Variants in CLDN16 observed in about 807,000 individuals in gnomAD.
CLDN16 encodes the protein claudin-16.
In CLDN16, 13 loss-of-function variants were observed where a neutral mutation model predicts 24.6. The observed-to-expected ratio is 0.53, with a 90% CI of 0.34 to 0.84. The LOEUF (loss-of-function observed/expected upper bound fraction) is 0.84. CLDN16 is among the 40% of genes least tolerant of loss of function. The pLI is 0.01. For synonymous variants in CLDN16, 116 were observed against 106.7 expected (o/e 1.09, Z -0.54); for missense variants, 298 against 292.7 (o/e 1.02, Z -0.13).
At chr3:190,300,618 G>A in the CLDN16 span, among the ~76,000 whole-genome samples, 1 of 152,182 alleles carries the variant, frequency 6.6e-6, no homozygotes. Flanking sequence ...TGAAATATTT[G>A]CTCTCTGGTC....
chr3:190,384,719 G>A (rs1718455584), upstream of CLDN16, among the ~76,000 whole-genome samples: 1 of 152,178 alleles, frequency 6.6e-6, no homozygotes, highest in South Asian at 2.1e-4. Context: ...TCCCTCTTCT[G>A]TAAAATGTGG....
the CLDN16 span, among the ~76,000 whole-genome samples, chr3:190,314,399 A>G: frequency 6.6e-6 from 1 of 151,738 alleles, no homozygotes; most frequent in African/African-American, 2.4e-5. Context: ...TAATCTCTTT[A>G]TTTTTCTTTT....
At chr3:190,312,269 T>C in the CLDN16 span, among the ~76,000 whole-genome samples, 21,829 of 150,946 alleles carry the variant, frequency 0.14, 1,613 homozygotes, top group African/African-American at 0.16. Context: ...AAATATAATA[T>C]TATTTTATCA....
upstream of CLDN16, among the ~76,000 whole-genome samples, chr3:190,385,038 CT>C (rs1193583311): frequency 1.3e-5 from 2 of 152,100 alleles, no homozygotes; most frequent in Non-Finnish European, 2.9e-5. Flanking sequence ...TTACTTCCTG[CT>C]TCTGGTCCAC....
At chr3:190,396,297 G>A (rs1030155663) in intron 1 of CLDN16, among the ~76,000 whole-genome samples, 1 of 152,114 alleles carries the variant, frequency 6.6e-6, no homozygotes, top group African/African-American at 2.4e-5. Context: ...AGTAAACAAG[G>A]TCCAGAATGA....
At chr3:190,391,208 G>GT (rs57481102) in intron 1 of CLDN16, among the ~76,000 whole-genome samples, 4,081 of 135,752 alleles carry the variant, frequency 0.03, 132 homozygotes, top group African/African-American at 0.084. Flanking sequence ...TACTTTTCCA[G>GT]TTTTTTTTTT....
At chr3:190,399,320 A>G (rs965009024) in intron 1 of CLDN16, among the ~76,000 whole-genome samples, 10 of 150,618 alleles carry the variant, frequency 6.6e-5, no homozygotes, top group African/African-American at 2.5e-4. Flanking sequence ...CCTGACCAAC[A>G]TGGGGAAACC....
At chr3:190,290,512 C>A in the CLDN16 span, among the ~76,000 whole-genome samples, 4 of 152,128 alleles carry the variant, frequency 2.6e-5, no homozygotes, top group African/African-American at 9.7e-5. Flanking sequence ...GAAAAAAAAC[C>A]TACTCTTTCA....
At chr3:190,297,619 AATATAAT>A in the CLDN16 span, among the ~76,000 whole-genome samples, 275 of 112,158 alleles carry the variant, frequency 2.5e-3, 1 homozygote, top group African/African-American at 6.2e-3. Flanking sequence ...TAATATCTAT[AATATAAT>A]ATATAATATA....
intron 1 of CLDN16, among the ~76,000 whole-genome samples, chr3:190,363,597 T>TATATATATATATA (rs1560088069): frequency 7.4e-5 from 10 of 135,858 alleles, no homozygotes; most frequent in African/African-American, 1.1e-4. Flanking sequence ...TATATATATA[T>TATATATATATATA]TTTCTTTCTC....
chr3:190,393,513 G>A (rs1407329533), intron 1 of CLDN16, among the ~76,000 whole-genome samples: 1 of 152,132 alleles, frequency 6.6e-6, no homozygotes, highest in East Asian at 1.9e-4. Context: ...AATTAAATGA[G>A]CTTGTGTATC....
chr3:190,338,569 T>G (rs115019864), intron 1 of CLDN16, among the ~76,000 whole-genome samples: 1 of 152,182 alleles, frequency 6.6e-6, no homozygotes, highest in Non-Finnish European at 1.5e-5. Context: ...CAGGGATGAG[T>G]GTCTGAGACA....
At chr3:190,337,585 C>A (rs1717339595) in intron 1 of CLDN16, among the ~76,000 whole-genome samples, 1 of 152,238 alleles carries the variant, frequency 6.6e-6, no homozygotes, top group South Asian at 2.1e-4. Context: ...TATCAACCAA[C>A]ACATTTCTGT....
chr3:190,301,682 T>G, the CLDN16 span, among the ~76,000 whole-genome samples: 3 of 152,168 alleles, frequency 2.0e-5, no homozygotes, highest in Non-Finnish European at 4.4e-5. Context: ...CTTTCATACC[T>G]CACATCTAGT....
chr3:190,409,847 T>G (rs1276193403), intron 4 of CLDN16, 56 bp from the exon 5 acceptor site: 6 of 1,542,150 alleles, frequency 3.9e-6, no homozygotes, highest in Non-Finnish European at 4.5e-6. Flanking sequence ...AAATGGTATT[T>G]TATAATTTTC....
intron 1 of CLDN16, among the ~76,000 whole-genome samples, chr3:190,351,489 T>C (rs1205903132): frequency 6.6e-6 from 1 of 152,184 alleles, no homozygotes. Context: ...TTCTCATGTG[T>C]AAAATGTAAC....
intron 1 of CLDN16, among the ~76,000 whole-genome samples, chr3:190,332,340 A>G (rs867936623): frequency 6.6e-6 from 1 of 152,246 alleles, no homozygotes; most frequent in Non-Finnish European, 1.5e-5. Flanking sequence ...TAATAAAAAT[A>G]AGATATTAAT....
rs1719047681 is a variant in CLDN16 at position 190,404,753 on chromosome 3, G to A, written c.218-9G>A. On this transcript the variant is annotated splice_polypyrimidine_tract_variant and intron_variant, in intron 2 of 4. Coordinates refer to ENST00000264734, the MANE Select transcript of CLDN16 (RefSeq NM_006580.4). ...GACTCTGCTTTAACCATATGCCCTG[G>A]TCTTCCAGTGAAGCTGGTGGTAACT... is the stretch of plus-strand genomic sequence containing the variant. 6.2e-7 allele frequency: 1 copy of A among 1,613,990 alleles called. No individual in the cohort carries two copies. The highest frequency in any genetic ancestry group is 1.1e-5 in the South Asian group (1 of 91,074).
chr3:190,347,090 C>G (rs1030528005), intron 1 of CLDN16, among the ~76,000 whole-genome samples: 3 of 152,072 alleles, frequency 2.0e-5, no homozygotes, highest in Non-Finnish European at 4.4e-5. Context: ...AACTGAGGCA[C>G]TATGAAGTTT....
Sources: gnomAD v4.1 joint callset for allele counts (sites outside exome capture counted in the v4.1 genomes callset) on GRCh38, gnomAD v4.1.1 for gene constraint, MANE v1.5 for transcripts, NCBI Gene and HGNC (gene_info 2026-07-23, HGNC 2026-07-21) for gene names.